CHN2: variants seen among roughly 807,000 people sequenced by gnomAD.
The protein encoded by CHN2 is chimerin 2, also known as beta-chimaerin.
A neutral mutation model predicts 56.3 loss-of-function variants in CHN2; 35 were observed. The ratio of observed to expected loss-of-function variants is 0.62; its 90% confidence interval spans 0.47 to 0.82. The LOEUF is 0.82. Ranked by LOEUF, CHN2 falls within the 40% of genes least tolerant of loss-of-function variation. CHN2 has a pLI of 0.00. For synonymous variants in CHN2, 210 were observed against 212.8 expected, an observed-to-expected ratio of 0.99 and a Z score of 0.12; for missense variants, 491 against 580.5, an observed-to-expected ratio of 0.85 and a Z score of 1.58.
Position 29,504,721 on chromosome 7 carries a change from G to GTCTC in CHN2, c.914-9_914-6dup, listed in dbSNP as rs10633708. On this transcript the variant is annotated intron_variant, in intron 9 of 12. Coordinates refer to ENST00000222792, the MANE Select transcript of CHN2 (RefSeq NM_004067.4). ...TAGATGTTTCAAGAAGCTAAAGTCAGTCTCTCTCTCTCTCTCTAACAGGAT... is the reference window on the plus strand; with the variant it reads ...TAGATGTTTCAAGAAGCTAAAGTCAGTCTCTCTCTCTCTCTCTCTCTAACAGGAT... 4.4e-5 allele frequency: 56 copies of GTCTC among 1,285,746 alleles called. No homozygotes were observed. In the African/African-American group the frequency reaches 4.8e-4, roughly 11 times the overall value. The allele number at this position is 1,285,746 out of a possible 1,614,324, so 79.6% of individuals were successfully genotyped here. A position where few individuals can be genotyped will look rare whatever the true frequency, so the allele number is the denominator to read the frequency against.
chr7:29,223,812 T>G (rs1171717474), intron 1 of CHN2, among the ~76,000 whole-genome samples: 1 of 152,228 alleles, frequency 6.6e-6, no homozygotes, highest in Non-Finnish European at 1.5e-5. Flanking sequence ...TATAATATAT[T>G]CAGCTTTACA....
At position 29,504,753 on chromosome 7, in the gene CHN2, C is replaced by T. The variant is rs1169216156; in HGVS notation, c.923C>T (p.Ser308Leu). ...TCTCTCTCTCTAACAGGATTAAAAT[C>T]GGAAGGCCTTTACAGAGTCTCTGGG... ...IREIEARGLK[S>L]EGLYRVSGFT... The change falls in exon 10 of 13, where the codon TCG becomes TTG. Residue 308 changes from serine (S) to leucine (L), a missense_variant. By Grantham distance (145) the Ser-to-Leu change is moderately radical. Coordinates refer to ENST00000222792, the MANE Select transcript of CHN2 (RefSeq NM_004067.4). 14 of 1,606,826 alleles carry T rather than the reference C, an allele frequency of 8.7e-6. No individual in the cohort carries two copies. The highest frequency in any genetic ancestry group is 4.4e-5 in the South Asian group (4 of 90,888).
At chr7:29,162,507 C>T (rs940073342) in intron 2 of CHN2, among the ~76,000 whole-genome samples, 1 of 151,808 alleles carries the variant, frequency 6.6e-6, no homozygotes, top group African/African-American at 2.4e-5. Context: ...ACTAAAAATA[C>T]AAAATTAGCT....
At chr7:29,164,593 C>G (rs569405695) in intron 2 of CHN2, among the ~76,000 whole-genome samples, 33 of 151,934 alleles carry the variant, frequency 2.2e-4, no homozygotes, top group African/African-American at 8.0e-4. Flanking sequence ...CCAGCCTGAG[C>G]AACATGGCAA....
intron 1 of CHN2, among the ~76,000 whole-genome samples, chr7:29,281,700 T>C (rs1013509033): frequency 6.6e-6 from 1 of 152,094 alleles, no homozygotes. Flanking sequence ...CCCTACACAG[T>C]AGCTCTTCTA....
chr7:29,401,629 T>G (rs1040195931), intron 6 of CHN2, among the ~76,000 whole-genome samples: 2 of 152,170 alleles, frequency 1.3e-5, no homozygotes, highest in East Asian at 3.9e-4. Flanking sequence ...TGGGAGCATT[T>G]CACTGACAGA....
intron 6 of CHN2, among the ~76,000 whole-genome samples, chr7:29,433,885 G>GGGAGGAAA (rs1783035498): frequency 6.6e-6 from 1 of 151,238 alleles, no homozygotes; most frequent in African/African-American, 2.4e-5. Flanking sequence ...AAGGGAGGAA[G>GGGAGGAAA]GGAGGAAGGG....
chr7:29,251,394 C>T (rs1430184417), intron 1 of CHN2, among the ~76,000 whole-genome samples: 3 of 152,012 alleles, frequency 2.0e-5, no homozygotes, highest in Non-Finnish European at 4.4e-5. Flanking sequence ...GTCAAGACTG[C>T]AGTGAGCCGT....
At chr7:29,302,151 T>A (rs994729921) in intron 1 of CHN2, among the ~76,000 whole-genome samples, 3 of 152,242 alleles carry the variant, frequency 2.0e-5, no homozygotes, top group African/African-American at 7.2e-5. Context: ...AGCTACAGTT[T>A]AGCGAGCGTG....
At chr7:29,356,234 A>G (rs1798307365) in intron 2 of CHN2, among the ~76,000 whole-genome samples, 1 of 152,176 alleles carries the variant, frequency 6.6e-6, no homozygotes, top group Non-Finnish European at 1.5e-5. Flanking sequence ...CATTCTATTC[A>G]GAATCTTATA....
At chr7:29,404,076 C>T (rs541071066) in intron 6 of CHN2, among the ~76,000 whole-genome samples, 60 of 152,288 alleles carry the variant, frequency 3.9e-4, no homozygotes, top group Admixed American at 1.1e-3. Flanking sequence ...TTCCTGATTC[C>T]ACGCTCAAAG....
At chr7:29,312,682 GA>G in intron 1 of CHN2, among the ~76,000 whole-genome samples, 1 of 151,990 alleles carries the variant, frequency 6.6e-6, no homozygotes, top group Non-Finnish European at 1.5e-5. Context: ...GTGGAGCTCT[GA>G]AAAAAATTTG....
chr7:29,373,178 C>CT (rs907793573), intron 3 of CHN2, among the ~76,000 whole-genome samples: 96 of 146,046 alleles, frequency 6.6e-4, no homozygotes, highest in Admixed American at 8.2e-4. Flanking sequence ...AGTGGCCAAT[C>CT]TTTTTTTTTT....
At chr7:29,180,476 G>A (rs748480752) in intron 2 of CHN2, among the ~76,000 whole-genome samples, 32 of 151,958 alleles carry the variant, frequency 2.1e-4, no homozygotes, top group East Asian at 1.9e-4. Context: ...GCAGTGAGCC[G>A]AGATCGCGCC....
chr7:29,336,621 A>G (rs540841800), intron 1 of CHN2, among the ~76,000 whole-genome samples: 1 of 152,116 alleles, frequency 6.6e-6, no homozygotes, highest in South Asian at 2.1e-4. Context: ...TTAGCTAAGC[A>G]TAGTACTGCA....
intron 6 of CHN2, among the ~76,000 whole-genome samples, chr7:29,407,198 A>AT (rs762769001): frequency 1.2e-4 from 18 of 152,282 alleles, no homozygotes; most frequent in South Asian, 4.1e-4. Context: ...ACCCGGCTCA[A>AT]TAGCTTAGAA....
chr7:29,477,877 A>G lies in CHN2; in HGVS notation c.577-2402A>G, dbSNP rs527337492. 4.6e-5 allele frequency among the ~76,000 whole-genome samples: 7 copies of G among 152,348 alleles called. No homozygotes were observed. The South Asian group carries it at 1.5e-3, about 32-fold the overall frequency. ...CACAACCCTGGCTTCCTATATGTACATGTGCTTTCTAGCAACTTATATTTA... is the reference window on the plus strand; with the variant it reads ...CACAACCCTGGCTTCCTATATGTACGTGTGCTTTCTAGCAACTTATATTTA... On this transcript the variant is annotated intron_variant, in intron 6 of 12. Coordinates refer to ENST00000222792, the MANE Select transcript of CHN2 (RefSeq NM_004067.4).
At chr7:29,200,297 C>T (rs1330131944) in intron 1 of CHN2, among the ~76,000 whole-genome samples, 3 of 151,314 alleles carry the variant, frequency 2.0e-5, no homozygotes, top group African/African-American at 7.3e-5. Context: ...TTTTCCCCCT[C>T]CTTCCCTCTC....
intron 6 of CHN2, among the ~76,000 whole-genome samples, chr7:29,449,999 G>A (rs947336770): frequency 5.3e-5 from 8 of 152,164 alleles, no homozygotes; most frequent in African/African-American, 9.7e-5. Context: ...TCTGAGTTCC[G>A]TGAAGTGGCT....
Sources: allele counts gnomAD v4.1 joint callset (sites outside exome capture counted in the v4.1 genomes callset), GRCh38; gene constraint gnomAD v4.1.1; transcripts MANE v1.5; gene names NCBI Gene and HGNC (gene_info 2026-07-23, HGNC 2026-07-21).